Variants in CEP83 observed in about 807,000 individuals in gnomAD.
The protein encoded by CEP83 is centrosomal protein of 83 kDa.
In CEP83, 70 loss-of-function variants were observed where a neutral mutation model predicts 101.9. The ratio of observed to expected loss-of-function variants is 0.69; its 90% CI spans 0.57 to 0.84. CEP83 has a LOEUF of 0.84. CEP83 is among the 40% of genes least tolerant of loss of function. The pLI is 0.00. For missense variants in CEP83, 715 were observed against 787.2 expected, an observed-to-expected ratio of 0.91 and a Z score of 1.10; for synonymous variants, 264 against 267.9, an observed-to-expected ratio of 0.99 and a Z score of 0.14.
At chr12:94,285,581 C>T in the CEP83 span, among the ~76,000 whole-genome samples, 1 of 152,112 alleles carries the variant, frequency 6.6e-6, no homozygotes, top group Non-Finnish European at 1.5e-5. Context: ...GTAAAAATCC[C>T]CAGGGAGTTT....
the CEP83 span, among the ~76,000 whole-genome samples, chr12:94,274,530 C>A: frequency 6.6e-6 from 1 of 152,126 alleles, no homozygotes; most frequent in Non-Finnish European, 1.5e-5. Context: ...GATCTGCCAC[C>A]GCAGCTTACT....
chr12:94,368,118 G>A lies in CEP83; in HGVS notation c.1132C>T (p.Arg378Cys), dbSNP rs373382478. The A allele has an allele frequency of 1.9e-5, 31 of 1,612,608 alleles. No individual in the cohort carries two copies. The highest frequency in any genetic ancestry group is 2.4e-5 in the Non-Finnish European group (28 of 1,179,056). ...LLVEKDRELI[R>C]KVQAAKEEGY... ...TCTTCTTTGGCAGCTTGTACTTTACGTATTAATTCACGATCCTTTTCTACT... is the reference window on the plus strand; with the variant it reads ...TCTTCTTTGGCAGCTTGTACTTTACATATTAATTCACGATCCTTTTCTACT... The change falls in exon 10 of 17, where the codon CGT becomes TGT. Residue 378 changes from arginine (R) to cysteine (C), a missense_variant. Transcript: ENST00000397809.
chr12:94,412,791 C>G (rs1230632651), intron 2 of CEP83, among the ~76,000 whole-genome samples, 200 bp from the exon 3 acceptor site: 6 of 149,050 alleles, frequency 4.0e-5, no homozygotes, highest in African/African-American at 1.5e-4. Context: ...CAAGTTCAAG[C>G]AATTCTCCTG....
chr12:94,363,454 G>C (rs1054221931), intron 11 of CEP83, among the ~76,000 whole-genome samples: 1 of 152,118 alleles, frequency 6.6e-6, no homozygotes, highest in Non-Finnish European at 1.5e-5. Flanking sequence ...ATTAAAAACA[G>C]AATTACAATA....
chr12:94,426,171 CTAATTACCAT>C (rs1295599366), intron 2 of CEP83, among the ~76,000 whole-genome samples: 2 of 151,906 alleles, frequency 1.3e-5, no homozygotes, highest in African/African-American at 4.8e-5. Context: ...TCTCATTGCA[CTAATTACCAT>C]TTAGCTTCCT....
intron 6 of CEP83, among the ~76,000 whole-genome samples, chr12:94,389,663 G>A (rs1322786071): frequency 1.3e-5 from 2 of 152,184 alleles, no homozygotes; most frequent in Non-Finnish European, 2.9e-5. Flanking sequence ...AAGCAGGGCG[G>A]GGCATCACCT....
the CEP83 span, among the ~76,000 whole-genome samples, chr12:94,299,378 A>C: frequency 6.6e-6 from 1 of 152,324 alleles, no homozygotes; most frequent in African/African-American, 2.4e-5. Context: ...GGGCTGGATA[A>C]GACTCAGAGT....
intron 4 of CEP83, among the ~76,000 whole-genome samples, chr12:94,406,349 A>AAC (rs902485308): frequency 6.6e-6 from 1 of 151,476 alleles, no homozygotes; most frequent in African/African-American, 2.4e-5. Flanking sequence ...AACAAAACAA[A>AAC]AACAACAACA....
At chr12:94,417,791 AATAC>A (rs58871460) in intron 2 of CEP83, among the ~76,000 whole-genome samples, 83 of 151,682 alleles carry the variant, frequency 5.5e-4, no homozygotes, top group South Asian at 1.2e-3. Context: ...CCATCTCAAA[AATAC>A]ATACATACAT....
chr12:94,409,628 T>C (rs1202409171), intron 4 of CEP83, among the ~76,000 whole-genome samples: 1 of 152,188 alleles, frequency 6.6e-6, no homozygotes, highest in East Asian at 1.9e-4. Context: ...GTTGCCATAA[T>C]AAAATACCAG....
In CEP83 at chr12:94,400,989, G is replaced by T; in HGVS notation, c.418-8C>A. ...TCTATACTTTTCTACCTCCTAAAGG[G>T]AGAATGCATTTATCATAGATTTATA... On this transcript the variant is annotated splice_polypyrimidine_tract_variant and splice_region_variant and intron_variant, in intron 5 of 16. Transcript: ENST00000397809. 7.5e-7 allele frequency: 1 copy of T among 1,338,606 alleles called. No individual in the cohort carries two copies. 82.9% of individuals were successfully genotyped at this position (1,338,606 alleles called of 1,614,324 possible).
At chr12:94,271,156 T>A in the CEP83 span, among the ~76,000 whole-genome samples, 2 of 152,346 alleles carry the variant, frequency 1.3e-5, no homozygotes, top group Non-Finnish European at 2.9e-5. Context: ...GAAATAAAAT[T>A]AGAAATATAT....
intron 8 of CEP83, among the ~76,000 whole-genome samples, chr12:94,374,496 G>C (rs183813772): frequency 6.6e-6 from 1 of 152,144 alleles, no homozygotes; most frequent in East Asian, 1.9e-4. Flanking sequence ...CTTGTGTTTT[G>C]TATCTATTTT....
At chr12:94,319,994 T>C (rs1197713469) in intron 14 of CEP83, among the ~76,000 whole-genome samples, 5 of 152,218 alleles carry the variant, frequency 3.3e-5, no homozygotes, top group Non-Finnish European at 5.9e-5. Context: ...AATCTCTTTG[T>C]AGGTCTCTAA....
the CEP83 span, chr12:94,279,803 AGAGACTGCTTTG>A: frequency 1.3e-6 from 1 of 744,298 alleles, no homozygotes; most frequent in South Asian, 1.5e-5. Flanking sequence ...CTAGGGGCCA[AGAGACTGCTTTG>A]GTCTCTCATG....
intron 8 of CEP83, 148 bp from the exon 9 acceptor site, chr12:94,370,184 A>C (rs922967450): frequency 6.8e-6 from 4 of 588,884 alleles, no homozygotes; most frequent in Non-Finnish European, 1.2e-5. Flanking sequence ...CAGTGCCTGC[A>C]ACAGTACTTC....
chr12:94,386,174 C>T (rs926044952), intron 6 of CEP83, among the ~76,000 whole-genome samples: 1 of 152,140 alleles, frequency 6.6e-6, no homozygotes, highest in African/African-American at 2.4e-5. Flanking sequence ...TTCTTGTTAA[C>T]CAGAACCAGA....
At chr12:94,287,307 A>T in the CEP83 span, among the ~76,000 whole-genome samples, 2 of 152,268 alleles carry the variant, frequency 1.3e-5, no homozygotes, top group East Asian at 3.9e-4. Context: ...TGCGTTGACT[A>T]TGAAGGGGAC....
chr12:94,290,312 T>A, the CEP83 span, among the ~76,000 whole-genome samples: 131 of 152,228 alleles, frequency 8.6e-4, no homozygotes, highest in Non-Finnish European at 1.2e-3. Flanking sequence ...GCTAAGGGGG[T>A]GCCTGCACAG....
Sources: allele counts gnomAD v4.1 joint callset (sites outside exome capture counted in the v4.1 genomes callset), GRCh38; gene constraint gnomAD v4.1.1; transcripts MANE v1.5; gene names NCBI Gene and HGNC (gene_info 2026-07-23, HGNC 2026-07-21).